The following KATNIP variants were observed in gnomAD, a reference collection of about 807,000 sequenced individuals.
The protein encoded by KATNIP is katanin interacting protein, also known as katanin-interacting protein.
KATNIP carries 126 observed loss-of-function variants against 174.0 expected under a neutral mutation model. The observed-to-expected ratio is 0.72, with a 90% CI of 0.63 to 0.84. The LOEUF (loss-of-function observed/expected upper bound fraction) is 0.84, where lower values mean the gene tolerates loss of function less well. Among genes scored for constraint, KATNIP ranks in the 40% least tolerant of loss-of-function variants. The probability of loss-of-function intolerance (pLI) is 0.00; values close to 1 mark genes in which losing one functional copy is unlikely to be tolerated. For missense variants in KATNIP, 1,958 were observed against 2,109.7 expected, an observed-to-expected ratio of 0.93 and a Z score of 1.41; for synonymous variants, 810 against 835.7, an observed-to-expected ratio of 0.97 and a Z score of 0.53.
intron 13 of KATNIP, among the ~76,000 whole-genome samples, chr16:27,720,327 G>A (rs2080168311): frequency 6.6e-6 from 1 of 151,920 alleles, no homozygotes; most frequent in Non-Finnish European, 1.5e-5. Context: ...CTGACCTCAG[G>A]TGATCCACCT....
At chr16:27,701,350 TAC>T in intron 10 of KATNIP, 1 of 407,506 alleles carries the variant, frequency 2.5e-6, no homozygotes, top group East Asian at 4.1e-5. Flanking sequence ...AGAGAAAGTT[TAC>T]AGTCACTCAT....
chr16:27,691,521 A>G (rs2078733388), intron 8 of KATNIP, among the ~76,000 whole-genome samples: 1 of 152,224 alleles, frequency 6.6e-6, no homozygotes, highest in African/African-American at 2.4e-5. Flanking sequence ...CAAGTGAGCG[A>G]TGAGAGCATC....
intron 20 of KATNIP, among the ~76,000 whole-genome samples, chr16:27,767,693 A>G (rs994243115): frequency 6.6e-6 from 1 of 152,206 alleles, no homozygotes; most frequent in African/African-American, 2.4e-5. Flanking sequence ...CCTGGGTGAC[A>G]GAGCAAGACA....
At chr16:27,650,255 G>A (rs113296839) in intron 6 of KATNIP, among the ~76,000 whole-genome samples, 15 of 152,246 alleles carry the variant, frequency 9.9e-5, no homozygotes, top group African/African-American at 3.4e-4. Context: ...ACGGCATGAG[G>A]CCAGGCTTGT....
chr16:27,613,105 A>G (rs1348481419), intron 2 of KATNIP, among the ~76,000 whole-genome samples: 4 of 145,672 alleles, frequency 2.7e-5, no homozygotes, highest in Admixed American at 1.3e-4. Context: ...CAAAAAATAC[A>G]AAAAAAGAAA....
At chr16:27,556,400 T>C (rs936954463) in intron 1 of KATNIP, among the ~76,000 whole-genome samples, 1 of 152,210 alleles carries the variant, frequency 6.6e-6, no homozygotes, top group Non-Finnish European at 1.5e-5. Context: ...TTTAAAAATA[T>C]GAAATGGTTT....
At chr16:27,651,489 C>T (rs1233529305) in intron 6 of KATNIP, among the ~76,000 whole-genome samples, 2 of 151,824 alleles carry the variant, frequency 1.3e-5, no homozygotes, top group African/African-American at 2.4e-5. Context: ...TGTTTGCAAG[C>T]GCAACCTGAA....
At chr16:27,570,248 A>G (rs2090237771) in intron 1 of KATNIP, among the ~76,000 whole-genome samples, 1 of 152,108 alleles carries the variant, frequency 6.6e-6, no homozygotes, top group South Asian at 2.1e-4. Flanking sequence ...CATTTTGTGG[A>G]GGAAGAAAAC....
intron 2 of KATNIP, among the ~76,000 whole-genome samples, chr16:27,579,751 T>A (rs1390624144): frequency 1.3e-5 from 2 of 152,028 alleles, no homozygotes; most frequent in South Asian, 4.2e-4. Flanking sequence ...CAAAAAATGC[T>A]CTTGACAGCA....
At chr16:27,578,661 T>C (rs2090586982) in intron 2 of KATNIP, among the ~76,000 whole-genome samples, 1 of 152,094 alleles carries the variant, frequency 6.6e-6, no homozygotes, top group African/African-American at 2.4e-5. Flanking sequence ...CACTGCAACC[T>C]CCACCTCCCG....
intron 19 of KATNIP, among the ~76,000 whole-genome samples, chr16:27,765,386 C>T (rs1023394635): frequency 1.3e-5 from 2 of 152,124 alleles, no homozygotes; most frequent in Non-Finnish European, 1.5e-5. Flanking sequence ...GACAGGAGTG[C>T]GATAGGGCTG....
At chr16:27,773,054 GAA>G in intron 22 of KATNIP, 43 bp from the exon 23 acceptor site, 9 of 971,120 alleles carry the variant, frequency 9.3e-6, no homozygotes, top group Admixed American at 5.3e-5. Flanking sequence ...ACTATATTCT[GAA>G]AAAAAAAAAT....
At chr16:27,599,636 C>T (rs1237884831) in intron 2 of KATNIP, among the ~76,000 whole-genome samples, 4 of 152,198 alleles carry the variant, frequency 2.6e-5, no homozygotes, top group East Asian at 1.9e-4. Flanking sequence ...TGACCCTCCA[C>T]GTGGCTGAGT....
At chr16:27,710,654 A>G (rs1166071029) in intron 13 of KATNIP, among the ~76,000 whole-genome samples, 3 of 152,134 alleles carry the variant, frequency 2.0e-5, no homozygotes, top group Non-Finnish European at 4.4e-5. Flanking sequence ...GGCACACAAC[A>G]CCACATCTGG....
intron 6 of KATNIP, among the ~76,000 whole-genome samples, chr16:27,677,370 T>A (rs2078157160): frequency 6.6e-6 from 1 of 152,124 alleles, no homozygotes; most frequent in South Asian, 2.1e-4. Context: ...ACCCACTGAA[T>A]CAGTGGGTGG....
chr16:27,650,232 CA>C (rs2142351462), intron 6 of KATNIP, among the ~76,000 whole-genome samples: 1 of 150,656 alleles, frequency 6.6e-6, no homozygotes, highest in African/African-American at 2.4e-5. Context: ...ATAGAGGAAG[CA>C]GCAAGCGTGC....
intron 2 of KATNIP, among the ~76,000 whole-genome samples, chr16:27,579,779 G>A (rs929673262): frequency 1.3e-5 from 2 of 152,144 alleles, no homozygotes; most frequent in Non-Finnish European, 2.9e-5. Context: ...CTGCTGAACT[G>A]ACTTTGCAAG....
chr16:27,638,166 C>T (rs1241220030), intron 5 of KATNIP, among the ~76,000 whole-genome samples: 1 of 152,178 alleles, frequency 6.6e-6, no homozygotes, highest in Admixed American at 6.5e-5. Context: ...GATGAGGCAC[C>T]CCCTCCTACC....
At chr16:27,623,347 T>C (rs758256363) in intron 3 of KATNIP, among the ~76,000 whole-genome samples, 16 of 152,220 alleles carry the variant, frequency 1.1e-4, no homozygotes, top group Admixed American at 2.0e-4. Flanking sequence ...CCAGGATCAC[T>C]GAAGGGTGAA....
Sources: gnomAD v4.1 joint callset for allele counts (sites outside exome capture counted in the v4.1 genomes callset) on GRCh38, gnomAD v4.1.1 for gene constraint, MANE v1.5 for transcripts, NCBI Gene and HGNC (gene_info 2026-07-23, HGNC 2026-07-21) for gene names.